Variants in RSRP1 observed in about 807,000 individuals in gnomAD.
The protein encoded by RSRP1 is arginine and serine rich protein 1, also known as arginine/serine-rich protein 1.
A neutral mutation model predicts 33.0 loss-of-function variants in RSRP1; 37 were observed. The ratio of observed to expected loss-of-function variants is 1.12; its 90% CI spans 0.86 to 1.48. RSRP1 has a LOEUF of 1.48. Ranked by LOEUF, RSRP1 falls within the 40% of genes most tolerant of loss-of-function variation. The pLI is 0.00. For synonymous variants in RSRP1, 167 were observed against 158.7 expected, an observed-to-expected ratio of 1.05 and a Z score of -0.40; for missense variants, 402 against 385.3, an observed-to-expected ratio of 1.04 and a Z score of -0.36.
chr1:25,247,284 G>C (rs1004347285), intron 1 of RSRP1, 25 bp downstream of exon 1: 1 of 323,532 alleles, frequency 3.1e-6, no homozygotes, highest in East Asian at 4.8e-5. Flanking sequence ...GTGGTCCTGA[G>C]AGACCCCGTC....
At chr1:25,297,779 G>A (rs2124664311) in intron 1 of RSRP1, among the ~76,000 whole-genome samples, 1 of 131,888 alleles carries the variant, frequency 7.6e-6, no homozygotes, top group East Asian at 1.9e-4. Context: ...TTCTTAGGCG[G>A]AATGAAGAGA....
chr1:25,329,651 G>A (rs1476145101), intron 1 of RSRP1: 4 of 129,164 alleles, frequency 3.1e-5, no homozygotes, highest in African/African-American at 1.1e-4. Context: ...AGAGTCTTCA[G>A]ATTTTTATAC....
At chr1:25,272,568 G>T in intron 1 of RSRP1, 1 of 1,583,134 alleles carries the variant, frequency 6.3e-7, no homozygotes, top group Admixed American at 1.7e-5. Context: ...AGTACCCGCG[G>T]TCTGTCCGGC....
At chr1:25,314,995 G>A (rs1186999350) in intron 1 of RSRP1, among the ~76,000 whole-genome samples, 2 of 129,698 alleles carry the variant, frequency 1.5e-5, no homozygotes, top group African/African-American at 5.2e-5. Context: ...ACAAGGTCAA[G>A]AGATCGAGAT....
At chr1:25,244,354 T>C in intron 3 of RSRP1, 2 of 1,288,600 alleles carry the variant, frequency 1.6e-6, no homozygotes, top group Non-Finnish European at 2.0e-6. Context: ...TCCCAAATTC[T>C]AGCATGCACA....
Position 25,273,302 on chromosome 1 carries a change from AT to A in RSRP1, c.-66-26274del, listed in dbSNP as rs750823240. ...AGGAGGGCACCACCATGCCTGGCTAATTTTTTTTTTTTTTTTTTTTGGTAGA... is the reference window on the plus strand; with the variant it reads ...AGGAGGGCACCACCATGCCTGGCTAATTTTTTTTTTTTTTTTTTTGGTAGA... On this transcript the variant is annotated intron_variant, in intron 1 of 1. Coordinates refer to the RSRP1 transcript ENST00000561867. Among the ~76,000 whole-genome samples the A allele has an allele frequency of 3.4e-3, 334 of 97,770 alleles. 12 individuals carry two copies. Among genetic ancestry groups the A allele is most frequent in the African/African-American group, 6.3e-3 (170 of 27,064 alleles). 64.1% of individuals were successfully genotyped at this position (97,770 alleles called of 152,430 possible). A position where few individuals can be genotyped will look rare whatever the true frequency, so the allele number is the denominator to read the frequency against.
At chr1:25,258,033 A>G (rs1640003007) in intron 1 of RSRP1, among the ~76,000 whole-genome samples, 1 of 152,186 alleles carries the variant, frequency 6.6e-6, no homozygotes, top group Non-Finnish European at 1.5e-5. Context: ...ATACACTGAG[A>G]TGGCAAGTAG....
chr1:25,305,816 G>T (rs1297870769), intron 1 of RSRP1, among the ~76,000 whole-genome samples: 3 of 130,832 alleles, frequency 2.3e-5, no homozygotes, highest in African/African-American at 7.9e-5. Context: ...TGGCCCTGCT[G>T]GTCTTGAACT....
chr1:25,329,248 T>G (rs1644935662), intron 1 of RSRP1: 1 of 643,308 alleles, frequency 1.6e-6, no homozygotes. Context: ...TTTTTTTTTT[T>G]TTTTTTTTTT....
Position 25,331,885 on chromosome 1 carries a change from G to A in RSRP1, c.-67+6093C>T, listed in dbSNP as rs1243637488. Among the ~76,000 whole-genome samples the A allele has an allele frequency of 1.9e-4, 24 of 126,792 alleles. 7 individuals are homozygous for A. The highest frequency in any genetic ancestry group is 4.1e-4 in the Non-Finnish European group (22 of 53,494). 83.2% of individuals were successfully genotyped at this position (126,792 alleles called of 152,430 possible). ...CTCCGGAGTAGCTGGGACTACAGGC[G>A]CCCGCCACTACGCCCGGCTAACTTT... On this transcript the variant is annotated intron_variant, in intron 1 of 1. Coordinates refer to the RSRP1 transcript ENST00000561867.
chr1:25,313,653 A>G lies in RSRP1; in HGVS notation c.-67+24325T>C, dbSNP rs775331027. ...GTCATGCAGGGCCACACAAAACTGT[A>G]TCATCCAGGGACCAGGCAGCAGAAA... On this transcript the variant is annotated intron_variant, in intron 1 of 1. Transcript: ENST00000561867. Among the ~76,000 whole-genome samples, 5 of 132,396 alleles carry G rather than the reference A, an allele frequency of 3.8e-5. 1 individual carries two copies. Among genetic ancestry groups the G allele is most frequent in the African/African-American group, 5.2e-5 (2 of 38,804 alleles). 86.9% of individuals were successfully genotyped at this position (132,396 alleles called of 152,430 possible).
At chr1:25,249,018 G>A (rs1269081356), upstream of RSRP1, among the ~76,000 whole-genome samples, 4 of 152,060 alleles carry the variant, frequency 2.6e-5, no homozygotes, top group African/African-American at 4.8e-5. Flanking sequence ...ACATGGTGGC[G>A]GGCGCCTGTA....
chr1:25,249,237 C>G, upstream of RSRP1, among the ~76,000 whole-genome samples: 1 of 151,982 alleles, frequency 6.6e-6, no homozygotes, highest in Non-Finnish European at 1.5e-5. Flanking sequence ...ACTTACGATA[C>G]AGTTTTGAGC....
intron 1 of RSRP1, among the ~76,000 whole-genome samples, chr1:25,297,094 A>C (rs945385889): frequency 4.0e-5 from 5 of 124,364 alleles, no homozygotes; most frequent in African/African-American, 1.4e-4. Context: ...CGAGGATTAC[A>C]TCTTGCATTT....
At position 25,303,247 on chromosome 1, in the gene RSRP1, C is replaced by T. The variant is rs1352669170; in HGVS notation, c.-67+34731G>A. The T allele has an allele frequency of 1.5e-5, 16 of 1,041,258 alleles. 3 individuals are homozygous for T. The East Asian group carries it at 2.6e-4, about 17-fold the overall frequency. The allele number at this position is 1,041,258 out of a possible 1,614,324, so 64.5% of individuals were successfully genotyped here. ...TGTTACAGGGTTGCCTTGTTCCCAGCGTGCTGGTCACTTGCAGCAAGATGG... is the reference window on the plus strand; with the variant it reads ...TGTTACAGGGTTGCCTTGTTCCCAGTGTGCTGGTCACTTGCAGCAAGATGG... On this transcript the variant is annotated intron_variant, in intron 1 of 1. Coordinates refer to the RSRP1 transcript ENST00000561867.
chr1:25,288,844 A>G (rs1458239829), intron 1 of RSRP1, among the ~76,000 whole-genome samples: 3 of 129,936 alleles, frequency 2.3e-5, no homozygotes, highest in Admixed American at 2.3e-4. Context: ...GCCTTTGTCA[A>G]TGAAATGAAC....
At chr1:25,287,166 C>G (rs552024186) in intron 1 of RSRP1, among the ~76,000 whole-genome samples, 1 of 134,610 alleles carries the variant, frequency 7.4e-6, no homozygotes, top group Non-Finnish European at 1.8e-5. Context: ...CACACATGCA[C>G]GCATACACAC....
chr1:25,260,579 A>C (rs1334753635), intron 1 of RSRP1, among the ~76,000 whole-genome samples: 1 of 152,240 alleles, frequency 6.6e-6, no homozygotes, highest in East Asian at 1.9e-4. Context: ...GTGTTGTATT[A>C]GTCGGCTTGG....
chr1:25,259,410 A>G (rs553304579), intron 1 of RSRP1, among the ~76,000 whole-genome samples: 18 of 152,020 alleles, frequency 1.2e-4, no homozygotes, highest in Non-Finnish European at 2.4e-4. Flanking sequence ...CTTTTTTAAC[A>G]GTTAACAGTG....
Sources: gnomAD v4.1 joint callset for allele counts (sites outside exome capture counted in the v4.1 genomes callset) on GRCh38, gnomAD v4.1.1 for gene constraint, MANE v1.5 for transcripts, NCBI Gene and HGNC (gene_info 2026-07-23, HGNC 2026-07-21) for gene names.